The following PARD3B variants were observed in gnomAD, a reference collection of about 807,000 sequenced individuals.
PARD3B encodes the protein partitioning defective 3 homolog B.
PARD3B carries 103 observed loss-of-function variants against 130.2 expected under a neutral mutation model. The observed-to-expected ratio is 0.79, with a 90% CI of 0.67 to 0.93. The LOEUF is 0.93. Among genes scored for constraint, PARD3B ranks in the 40% least tolerant of loss-of-function variants. The pLI is 0.00. For synonymous variants in PARD3B, 583 were observed against 553.2 expected, an observed-to-expected ratio of 1.05 and a Z score of -0.76; for missense variants, 1,609 against 1,499.2, an observed-to-expected ratio of 1.07 and a Z score of -1.21.
chr2:205,383,117 T>TAGATAGATAGATAGATAGATAGAGAGAG (rs1553500370), intron 18 of PARD3B, among the ~76,000 whole-genome samples: 8 of 149,822 alleles, frequency 5.3e-5, no homozygotes. Flanking sequence ...GATAGATAGA[T>TAGATAGATAGATAGATAGATAGAGAGAG]AGATAGATAG....
intron 2 of PARD3B, among the ~76,000 whole-genome samples, chr2:204,832,611 G>A (rs994768403): frequency 2.0e-5 from 3 of 152,164 alleles, no homozygotes; most frequent in African/African-American, 7.2e-5. Context: ...CATAAGAGAA[G>A]ACTGGCATGG....
At chr2:205,202,150 A>G (rs1335899897) in intron 15 of PARD3B, among the ~76,000 whole-genome samples, 1 of 152,190 alleles carries the variant, frequency 6.6e-6, no homozygotes, top group Non-Finnish European at 1.5e-5. Flanking sequence ...TATATTTTAG[A>G]TGATTGCTAC....
intron 4 of PARD3B, among the ~76,000 whole-genome samples, chr2:205,088,200 A>T (rs558793285): frequency 6.6e-6 from 1 of 152,258 alleles, no homozygotes; most frequent in East Asian, 1.9e-4. Context: ...CCTAATGGAA[A>T]CTGAGGATCA....
chr2:204,771,721 C>G (rs1039544106), intron 2 of PARD3B, among the ~76,000 whole-genome samples: 1 of 152,122 alleles, frequency 6.6e-6, no homozygotes, highest in East Asian at 1.9e-4. Flanking sequence ...ACACTTTTTC[C>G]CATGTCTTTA....
intron 2 of PARD3B, among the ~76,000 whole-genome samples, chr2:204,795,652 A>G (rs1244351788): frequency 6.6e-6 from 1 of 152,198 alleles, no homozygotes; most frequent in African/African-American, 2.4e-5. Context: ...ATCAGGTTAG[A>G]TCATTGGAGA....
intron 3 of PARD3B, among the ~76,000 whole-genome samples, chr2:204,988,312 G>C (rs1693354454): frequency 6.6e-6 from 1 of 152,204 alleles, no homozygotes; most frequent in African/African-American, 2.4e-5. Flanking sequence ...CATGGACATA[G>C]AGAGTAGAAG....
intron 19 of PARD3B, among the ~76,000 whole-genome samples, chr2:205,424,252 A>G (rs904904200): frequency 3.9e-5 from 6 of 152,088 alleles, no homozygotes; most frequent in Admixed American, 6.5e-5. Context: ...TATACCTTTG[A>G]ACTAGATGGA....
At chr2:205,132,331 A>G (rs1289965406) in intron 10 of PARD3B, among the ~76,000 whole-genome samples, 1 of 152,172 alleles carries the variant, frequency 6.6e-6, no homozygotes, top group Non-Finnish European at 1.5e-5. Flanking sequence ...TACTTGTTGC[A>G]GGAGAAAACA....
At chr2:205,236,173 A>G (rs1265293807) in intron 15 of PARD3B, among the ~76,000 whole-genome samples, 1 of 152,228 alleles carries the variant, frequency 6.6e-6, no homozygotes, top group African/African-American at 2.4e-5. Context: ...AACCTTGTAG[A>G]TATTAAAGAA....
At chr2:205,604,111 A>T (rs2054893334) in intron 22 of PARD3B, among the ~76,000 whole-genome samples, 1 of 152,146 alleles carries the variant, frequency 6.6e-6, no homozygotes, top group African/African-American at 2.4e-5. Flanking sequence ...TATGAAGCTT[A>T]GTTTAGCTGG....
At chr2:205,346,591 T>G (rs551130148) in intron 18 of PARD3B, among the ~76,000 whole-genome samples, 1 of 152,226 alleles carries the variant, frequency 6.6e-6, no homozygotes, top group Non-Finnish European at 1.5e-5. Flanking sequence ...CCTGATGATA[T>G]AGTACAAGCT....
intron 10 of PARD3B, among the ~76,000 whole-genome samples, chr2:205,141,786 A>T (rs2032977180): frequency 6.6e-6 from 1 of 152,200 alleles, no homozygotes; most frequent in African/African-American, 2.4e-5. Context: ...GGTTATAGTG[A>T]ATCTTGTTTT....
intron 2 of PARD3B, among the ~76,000 whole-genome samples, chr2:204,859,658 G>T (rs1164619614): frequency 1.3e-5 from 2 of 152,124 alleles, no homozygotes; most frequent in Non-Finnish European, 2.9e-5. Flanking sequence ...ACATGTCATC[G>T]TAGTTGAGTT....
At chr2:205,178,859 G>A (rs1179138484) in intron 13 of PARD3B, among the ~76,000 whole-genome samples, 1 of 152,068 alleles carries the variant, frequency 6.6e-6, no homozygotes, top group Non-Finnish European at 1.5e-5. Context: ...AATTCCTAAT[G>A]CTATACTATA....
At chr2:205,069,292 T>G (rs1401016308) in intron 4 of PARD3B, among the ~76,000 whole-genome samples, 1 of 152,116 alleles carries the variant, frequency 6.6e-6, no homozygotes, top group Non-Finnish European at 1.5e-5. Flanking sequence ...TGGTGCATTT[T>G]TCTATCCTTT....
Position 205,417,642 on chromosome 2 carries a change from T to A in PARD3B, c.2741+16519T>A, listed in dbSNP as rs149492234. On this transcript the variant is annotated intron_variant, in intron 19 of 22. Transcript: ENST00000406610. ...TCATCTCCATACTCAAAAAGTTGCA[T>A]AGTCTCTCCCATAGTTTATTGGATG... Among the ~76,000 whole-genome samples, 37 of 152,342 alleles carry A rather than the reference T, an allele frequency of 2.4e-4. No individual in the cohort carries two copies. In the East Asian group the frequency reaches 3.1e-3, roughly 13 times the overall value.
chr2:205,203,089 A>G (rs1465629534), intron 15 of PARD3B, among the ~76,000 whole-genome samples: 2 of 152,186 alleles, frequency 1.3e-5, no homozygotes, highest in Non-Finnish European at 2.9e-5. Context: ...TGTCTCTAAG[A>G]GAAATGTAAG....
At chr2:205,071,252 T>A (rs1327617551) in intron 4 of PARD3B, among the ~76,000 whole-genome samples, 1 of 152,184 alleles carries the variant, frequency 6.6e-6, no homozygotes, top group Non-Finnish European at 1.5e-5. Flanking sequence ...CTTACAAGTT[T>A]CCTTCCTTTA....
chr2:205,017,237 A>C (rs372679032), intron 3 of PARD3B, among the ~76,000 whole-genome samples: 1 of 152,196 alleles, frequency 6.6e-6, no homozygotes. Context: ...GTGCCATAAC[A>C]CAGAACATTA....
Sources: allele counts gnomAD v4.1 joint callset (sites outside exome capture counted in the v4.1 genomes callset), GRCh38; gene constraint gnomAD v4.1.1; transcripts MANE v1.5; gene names NCBI Gene and HGNC (gene_info 2026-07-23, HGNC 2026-07-21).